Variants in NPAS3 observed in about 807,000 individuals in gnomAD.
NPAS3 encodes the protein neuronal PAS domain protein 3, also known as neuronal PAS domain-containing protein 3.
NPAS3 carries 14 observed loss-of-function variants against 73.1 expected under a neutral mutation model. The ratio of observed to expected loss-of-function variants is 0.19; its 90% CI spans 0.13 to 0.30. The LOEUF (loss-of-function observed/expected upper bound fraction) is 0.30, where lower values mean the gene tolerates loss of function less well. Ranked by LOEUF, NPAS3 falls within the 10% of genes least tolerant of loss-of-function variation. NPAS3 has a pLI of 1.00. For missense variants in NPAS3, 1,096 were observed against 1,250.0 expected (o/e 0.88, Z 1.86); for synonymous variants, 620 against 541.5 (o/e 1.14, Z -2.01).
chr14:33,473,625 C>T (rs555979019), intron 4 of NPAS3, among the ~76,000 whole-genome samples: 5 of 152,232 alleles, frequency 3.3e-5, no homozygotes, highest in African/African-American at 1.2e-4. Context: ...ACACATACAT[C>T]GACAGTTTTA....
chr14:33,710,156 TTGATG>T (rs1246957364), intron 6 of NPAS3, among the ~76,000 whole-genome samples: 1 of 152,230 alleles, frequency 6.6e-6, no homozygotes, highest in East Asian at 1.9e-4. Context: ...ACAATGCGAC[TTGATG>T]TAACAACTTT....
chr14:33,458,408 T>C (rs2050114341), intron 4 of NPAS3, among the ~76,000 whole-genome samples: 1 of 152,240 alleles, frequency 6.6e-6, no homozygotes, highest in African/African-American at 2.4e-5. Flanking sequence ...AGATTTATTT[T>C]TTGGATATAT....
chr14:33,056,220 G>A (rs905595380), intron 2 of NPAS3, among the ~76,000 whole-genome samples: 2 of 151,852 alleles, frequency 1.3e-5, no homozygotes, highest in Non-Finnish European at 2.9e-5. Flanking sequence ...TTGAAATTGT[G>A]GTCTAAAAGT....
At chr14:33,027,735 C>T (rs1466277583) in intron 1 of NPAS3, among the ~76,000 whole-genome samples, 1 of 152,038 alleles carries the variant, frequency 6.6e-6, no homozygotes, top group Non-Finnish European at 1.5e-5. Flanking sequence ...TCTATGCTAC[C>T]CTTTAATAAG....
chr14:33,122,820 A>G (rs2043280348), intron 2 of NPAS3, among the ~76,000 whole-genome samples: 1 of 152,130 alleles, frequency 6.6e-6, no homozygotes. Context: ...GAAAGAAAAT[A>G]AAACTTAAGG....
intron 4 of NPAS3, among the ~76,000 whole-genome samples, chr14:33,382,063 G>T (rs937139648): frequency 2.6e-5 from 4 of 152,108 alleles, no homozygotes; most frequent in Non-Finnish European, 5.9e-5. Flanking sequence ...GCTATGTTTG[G>T]GAGGGGGGCA....
intron 2 of NPAS3, among the ~76,000 whole-genome samples, chr14:33,170,544 A>G (rs1037059753): frequency 6.6e-6 from 1 of 152,214 alleles, no homozygotes; most frequent in African/African-American, 2.4e-5. Context: ...ATGTGATAGC[A>G]TTTTATCCAC....
chr14:33,691,674 T>C (rs1342242985), intron 6 of NPAS3, among the ~76,000 whole-genome samples: 1 of 152,192 alleles, frequency 6.6e-6, no homozygotes, highest in African/African-American at 2.4e-5. Context: ...TTCAAATTAA[T>C]TCTTATGTCT....
chr14:33,018,971 A>G (rs1435671144), intron 1 of NPAS3, among the ~76,000 whole-genome samples: 1 of 151,962 alleles, frequency 6.6e-6, no homozygotes, highest in African/African-American at 2.4e-5. Flanking sequence ...AAGCTACTTG[A>G]TATGTATCAA....
chr14:33,127,174 G>GT (rs1420706236), intron 2 of NPAS3, among the ~76,000 whole-genome samples: 1 of 151,682 alleles, frequency 6.6e-6, no homozygotes, highest in African/African-American at 2.4e-5. Context: ...GTAAATGGCA[G>GT]TTTGGTTTTT....
At chr14:33,606,890 T>TA (rs1003566192) in intron 5 of NPAS3, among the ~76,000 whole-genome samples, 8 of 151,506 alleles carry the variant, frequency 5.3e-5, no homozygotes, top group African/African-American at 1.2e-4. Flanking sequence ...AACTCAGTAA[T>TA]AAAAAAAAAT....
chr14:32,976,236 A>C (rs2037671905), intron 1 of NPAS3, among the ~76,000 whole-genome samples: 1 of 152,130 alleles, frequency 6.6e-6, no homozygotes, highest in Non-Finnish European at 1.5e-5. Flanking sequence ...TGGTGGGGAC[A>C]GTTAGGAAGA....
chr14:33,568,604 G>A (rs1241768564), intron 5 of NPAS3, among the ~76,000 whole-genome samples: 2 of 152,244 alleles, frequency 1.3e-5, no homozygotes, highest in East Asian at 3.9e-4. Context: ...TGACCTTCTG[G>A]GAAGGAGGTC....
At chr14:33,245,028 C>T (rs1180939940) in intron 3 of NPAS3, among the ~76,000 whole-genome samples, 1 of 152,124 alleles carries the variant, frequency 6.6e-6, no homozygotes, top group African/African-American at 2.4e-5. Context: ...GCCTTGGTTC[C>T]TCACCCTGGC....
chr14:33,443,026 G>T (rs2049323124), intron 4 of NPAS3, among the ~76,000 whole-genome samples: 1 of 152,176 alleles, frequency 6.6e-6, no homozygotes, highest in African/African-American at 2.4e-5. Context: ...TGTTTAAAAT[G>T]TGGAATGATT....
intron 6 of NPAS3, among the ~76,000 whole-genome samples, chr14:33,730,096 A>G (rs1292352743): frequency 6.6e-6 from 1 of 152,178 alleles, no homozygotes; most frequent in Non-Finnish European, 1.5e-5. Flanking sequence ...CTATCAATAT[A>G]TAGATGCAGA....
chr14:33,194,523 A>G (rs1164673788), intron 2 of NPAS3, among the ~76,000 whole-genome samples: 1 of 152,198 alleles, frequency 6.6e-6, no homozygotes, highest in Non-Finnish European at 1.5e-5. Flanking sequence ...ATTTCAGTTG[A>G]AAGGAGATTT....
At chr14:33,682,470 A>T (rs889533180) in intron 6 of NPAS3, among the ~76,000 whole-genome samples, 3 of 152,218 alleles carry the variant, frequency 2.0e-5, no homozygotes, top group Non-Finnish European at 4.4e-5. Context: ...CCTTCTTGCC[A>T]ATCCTGAAAT....
At chr14:33,582,689 A>G (rs989962994) in intron 5 of NPAS3, among the ~76,000 whole-genome samples, 1 of 152,196 alleles carries the variant, frequency 6.6e-6, no homozygotes, top group Non-Finnish European at 1.5e-5. Context: ...CCTACTCAGA[A>G]AGAAATGCAA....
Sources: allele counts gnomAD v4.1 joint callset (sites outside exome capture counted in the v4.1 genomes callset), GRCh38; gene constraint gnomAD v4.1.1; transcripts MANE v1.5; gene names NCBI Gene and HGNC (gene_info 2026-07-23, HGNC 2026-07-21).